Variants in C1orf21 observed in about 807,000 individuals in gnomAD.
C1orf21 encodes the protein uncharacterized protein C1orf21.
C1orf21 carries 3 observed loss-of-function variants against 18.7 expected under a neutral mutation model. The ratio of observed to expected loss-of-function variants is 0.16; its 90% CI spans 0.07 to 0.42. The LOEUF is 0.42. Ranked by LOEUF, C1orf21 falls within the 10% of genes least tolerant of loss-of-function variation. C1orf21 has a pLI of 0.99. For missense variants in C1orf21, 104 were observed against 143.6 expected (o/e 0.72, Z 1.41); for synonymous variants, 41 against 46.4 (o/e 0.88, Z 0.47).
chr1:184,584,676 T>A (rs148469846), intron 3 of C1orf21, among the ~76,000 whole-genome samples: 1 of 152,188 alleles, frequency 6.6e-6, no homozygotes, highest in African/African-American at 2.4e-5. Flanking sequence ...TCAATGTCCA[T>A]CAAGGGATGG....
Position 184,412,824 on chromosome 1 carries a change from A to C in C1orf21, c.-125+25456A>C, listed in dbSNP as rs73063507. 8.2e-3 allele frequency among the ~76,000 whole-genome samples: 1,256 copies of C among 152,254 alleles called. 19 individuals are homozygous for C. Among genetic ancestry groups the C allele is most frequent in the African/African-American group, 0.028 (1,173 of 41,542 alleles). ...CCCTGCCTCAAAAACAAAAACAAAA[A>C]ATTCAGTTATAAGAAAAGAAAAATA... On this transcript the variant is annotated intron_variant, in intron 1 of 5. Coordinates refer to ENST00000235307, the MANE Select transcript of C1orf21 (RefSeq NM_030806.4).
chr1:184,474,887 C>T (rs1430475278), intron 1 of C1orf21, among the ~76,000 whole-genome samples: 5 of 152,126 alleles, frequency 3.3e-5, no homozygotes, highest in Admixed American at 6.6e-5. Context: ...TGTTACCTTA[C>T]GTGATAATGC....
At chr1:184,597,421 G>A (rs1228696728) in intron 4 of C1orf21, among the ~76,000 whole-genome samples, 1 of 152,058 alleles carries the variant, frequency 6.6e-6, no homozygotes, top group Non-Finnish European at 1.5e-5. Flanking sequence ...CCTCCTTGTG[G>A]CCCCTAAAGG....
chr1:184,563,671 GT>G (rs1273795735), intron 3 of C1orf21, among the ~76,000 whole-genome samples: 3 of 152,166 alleles, frequency 2.0e-5, no homozygotes, highest in Middle Eastern at 3.2e-3. Flanking sequence ...ATGATTTCTT[GT>G]GAAAATATTT....
At chr1:184,415,330 G>A (rs1237403104) in intron 1 of C1orf21, among the ~76,000 whole-genome samples, 3 of 152,144 alleles carry the variant, frequency 2.0e-5, no homozygotes, top group African/African-American at 7.2e-5. Flanking sequence ...TCCTTACTCG[G>A]TAAGTGTCTA....
chr1:184,439,981 A>G (rs528700087), intron 1 of C1orf21, among the ~76,000 whole-genome samples: 1 of 152,226 alleles, frequency 6.6e-6, no homozygotes, highest in Non-Finnish European at 1.5e-5. Flanking sequence ...AAATTTTTCC[A>G]AAGACACTGA....
At chr1:184,453,676 A>G (rs953323694) in intron 1 of C1orf21, among the ~76,000 whole-genome samples, 12 of 151,758 alleles carry the variant, frequency 7.9e-5, no homozygotes, top group Non-Finnish European at 1.5e-4. Flanking sequence ...TTATTAGGTT[A>G]TTTGTTTATA....
At chr1:184,507,354 A>T (rs182117139) in intron 2 of C1orf21, among the ~76,000 whole-genome samples, 1 of 152,146 alleles carries the variant, frequency 6.6e-6, no homozygotes, top group Non-Finnish European at 1.5e-5. Flanking sequence ...AGGCAGTGAC[A>T]CTTTGATTAG....
chr1:184,517,126 A>G (rs558719046), intron 3 of C1orf21, among the ~76,000 whole-genome samples: 44 of 146,656 alleles, frequency 3.0e-4, no homozygotes, highest in Non-Finnish European at 6.5e-4. Flanking sequence ...CACGGTCGTC[A>G]TATTACTCTA....
chr1:184,552,509 T>A (rs1558001066), intron 3 of C1orf21, among the ~76,000 whole-genome samples: 1 of 152,182 alleles, frequency 6.6e-6, no homozygotes, highest in South Asian at 2.1e-4. Context: ...GATGAAGATA[T>A]TGCAAGCCCA....
At chr1:184,400,520 T>C (rs1656134760) in intron 1 of C1orf21, among the ~76,000 whole-genome samples, 1 of 152,232 alleles carries the variant, frequency 6.6e-6, no homozygotes, top group South Asian at 2.1e-4. Context: ...TTGCATTTTG[T>C]ACTTAACAGT....
At chr1:184,512,166 G>A (rs1658159558) in intron 3 of C1orf21, among the ~76,000 whole-genome samples, 1 of 152,172 alleles carries the variant, frequency 6.6e-6, no homozygotes, top group Non-Finnish European at 1.5e-5. Flanking sequence ...CTCACAGCAG[G>A]CCTCATCATC....
chr1:184,411,455 T>C (rs1179164949), intron 1 of C1orf21, among the ~76,000 whole-genome samples: 1 of 134,876 alleles, frequency 7.4e-6, no homozygotes, highest in Non-Finnish European at 1.6e-5. Context: ...GGAGTCTCAC[T>C]CTGTCGCCCA....
At chr1:184,539,819 A>G (rs989460206) in intron 3 of C1orf21, among the ~76,000 whole-genome samples, 4 of 152,134 alleles carry the variant, frequency 2.6e-5, no homozygotes, top group Non-Finnish European at 4.4e-5. Flanking sequence ...GATATGTGTC[A>G]CCTTTAAGGG....
In C1orf21 at chr1:184,626,345, A is replaced by C. The variant is rs978485106; in HGVS notation, c.*6789A>C. The C allele has an allele frequency of 2.6e-5, 4 of 152,194 alleles. No homozygotes were observed. Among genetic ancestry groups the C allele is most frequent in the Non-Finnish European group, 4.4e-5 (3 of 68,088 alleles). The allele number at this position is 152,194 out of a possible 1,614,324, so 9.4% of individuals were successfully genotyped here. On this transcript the variant is annotated 3_prime_UTR_variant, in exon 6 of 6. Transcript: ENST00000235307. ...AAAGCCCGGATGTGTCAGAGGACTG[A>C]GGGAGAGTGTTACTAAAGGACTTTC...
At position 184,608,314 on chromosome 1, in the gene C1orf21, A is replaced by C. The variant is rs754417728; in HGVS notation, c.327+9853A>C. Among the ~76,000 whole-genome samples the C allele has an allele frequency of 3.3e-5, 5 of 152,350 alleles. No homozygotes were observed. The South Asian group carries it at 1.0e-3, about 32-fold the overall frequency. On this transcript the variant is annotated intron_variant, in intron 5 of 5. Coordinates refer to ENST00000235307, the MANE Select transcript of C1orf21 (RefSeq NM_030806.4). The stretch of plus-strand genomic sequence containing the variant: ...TTTTTGACAAAGTGTCAAATAGAAA[A>C]AACAAAGATTACACAGTGGTCACTG...
chr1:184,623,948 T>C lies in C1orf21; in HGVS notation c.*4392T>C, dbSNP rs1471367399. ...GAGAAGAGGAAAAAGGAGCTAATAT[T>C]TGTCATTTATACTCACTCTGTGCCA... On this transcript the variant is annotated 3_prime_UTR_variant, in exon 6 of 6. Coordinates refer to ENST00000235307, the MANE Select transcript of C1orf21 (RefSeq NM_030806.4). The C allele has an allele frequency of 6.6e-6, 1 of 152,570 alleles. No individual in the cohort carries two copies. The allele number at this position is 152,570 out of a possible 1,614,324, so 9.5% of individuals were successfully genotyped here.
intron 1 of C1orf21, among the ~76,000 whole-genome samples, chr1:184,408,864 A>G (rs1327837411): frequency 6.6e-6 from 1 of 152,190 alleles, no homozygotes; most frequent in African/African-American, 2.4e-5. Context: ...ATGAAGTCTC[A>G]TGCATAATAA....
At chr1:184,441,772 C>T (rs1226674164) in intron 1 of C1orf21, among the ~76,000 whole-genome samples, 1 of 152,108 alleles carries the variant, frequency 6.6e-6, no homozygotes, top group Non-Finnish European at 1.5e-5. Flanking sequence ...TGTTATAAAC[C>T]TAAGATAATC....
Sources: gnomAD v4.1 joint callset for allele counts (sites outside exome capture counted in the v4.1 genomes callset) on GRCh38, gnomAD v4.1.1 for gene constraint, MANE v1.5 for transcripts, NCBI Gene and HGNC (gene_info 2026-07-23, HGNC 2026-07-21) for gene names.